LOC128462377: variants seen among roughly 807,000 people sequenced by gnomAD.
At chr16:89,365,771 T>C in the LOC128462377 span, among the ~76,000 whole-genome samples, 2 of 152,136 alleles carry the variant, frequency 1.3e-5, no homozygotes, top group Admixed American at 1.3e-4. Context: ...GGTAAACTTG[T>C]GTCATCAGGG....
chr16:89,350,546 A>C, the LOC128462377 span, among the ~76,000 whole-genome samples: 6 of 152,232 alleles, frequency 3.9e-5, no homozygotes, highest in African/African-American at 1.4e-4. Context: ...ACCAGACACA[A>C]GAGTCCACAC....
chr16:89,327,197 T>C, the LOC128462377 span, among the ~76,000 whole-genome samples: 1 of 152,158 alleles, frequency 6.6e-6, no homozygotes, highest in African/African-American at 2.4e-5. Flanking sequence ...TCACCCAGCA[T>C]GCCAACAAGC....
chr16:89,318,868 T>A, the LOC128462377 span, among the ~76,000 whole-genome samples: 1 of 152,328 alleles, frequency 6.6e-6, no homozygotes, highest in Middle Eastern at 3.4e-3. Context: ...GGTGTTTCCA[T>A]CCACCATCCC....
the LOC128462377 span, among the ~76,000 whole-genome samples, chr16:89,402,469 C>T: frequency 6.6e-6 from 1 of 151,950 alleles, no homozygotes; most frequent in East Asian, 1.9e-4. Context: ...CGGTTGACTC[C>T]AAGAGTTCAA....
chr16:89,380,848 C>A, the LOC128462377 span, among the ~76,000 whole-genome samples: 49 of 152,112 alleles, frequency 3.2e-4, no homozygotes, highest in African/African-American at 1.2e-3. Context: ...AGTTCCGGCC[C>A]CAAAGGTGAC....
chr16:89,408,928 C>T, the LOC128462377 span, among the ~76,000 whole-genome samples: 2 of 152,184 alleles, frequency 1.3e-5, no homozygotes, highest in East Asian at 1.9e-4. Flanking sequence ...CTGGGAAATA[C>T]AAGTGAACAG....
the LOC128462377 span, among the ~76,000 whole-genome samples, chr16:89,321,452 G>A: frequency 2.9e-5 from 4 of 137,792 alleles, no homozygotes; most frequent in African/African-American, 6.8e-5. Context: ...GTGTGGGGCG[G>A]GAGCTGCGGG....
chr16:89,337,426 A>ATTTTT, the LOC128462377 span, among the ~76,000 whole-genome samples: 7 of 43,766 alleles, frequency 1.6e-4, no homozygotes, highest in Non-Finnish European at 2.8e-4. Flanking sequence ...GGTCTAAGCA[A>ATTTTT]TTCTTTTTTT....
At chr16:89,414,190 T>C in the LOC128462377 span, among the ~76,000 whole-genome samples, 4 of 152,220 alleles carry the variant, frequency 2.6e-5, no homozygotes, top group Admixed American at 6.5e-5. Flanking sequence ...TAAATGGAGA[T>C]GTCAATTAAA....
At chr16:89,365,603 G>C in the LOC128462377 span, among the ~76,000 whole-genome samples, 4 of 152,208 alleles carry the variant, frequency 2.6e-5, no homozygotes, top group African/African-American at 7.2e-5. Flanking sequence ...AATTGAAAAA[G>C]AGGTATGTTC....
chr16:89,346,018 G>C, the LOC128462377 span, among the ~76,000 whole-genome samples: 1,712 of 152,092 alleles, frequency 0.011, 9 homozygotes, highest in Middle Eastern at 0.027. Context: ...AAAGCAGGCG[G>C]ATCACTTGAG....
the LOC128462377 span, among the ~76,000 whole-genome samples, chr16:89,371,343 C>T: frequency 1.3e-5 from 2 of 152,226 alleles, no homozygotes; most frequent in African/African-American, 2.4e-5. Flanking sequence ...AGACAAGCAC[C>T]GCCAGTGTCC....
chr16:89,327,414 G>T, the LOC128462377 span, among the ~76,000 whole-genome samples: 1 of 152,114 alleles, frequency 6.6e-6, no homozygotes, highest in Non-Finnish European at 1.5e-5. Context: ...CAGAAAGGAA[G>T]AAATGGAATA....
chr16:89,328,413 C>A, the LOC128462377 span, among the ~76,000 whole-genome samples: 1 of 152,236 alleles, frequency 6.6e-6, no homozygotes, highest in Admixed American at 6.5e-5. Flanking sequence ...AGAACTTTCA[C>A]TGATAATAGA....
the LOC128462377 span, among the ~76,000 whole-genome samples, chr16:89,391,533 T>C: frequency 2.0e-5 from 3 of 152,232 alleles, no homozygotes; most frequent in Admixed American, 6.5e-5. Flanking sequence ...TTTTCTGTGT[T>C]GACTGTCGCT....
the LOC128462377 span, among the ~76,000 whole-genome samples, chr16:89,359,060 C>T: frequency 6.6e-6 from 1 of 152,110 alleles, no homozygotes; most frequent in African/African-American, 2.4e-5. Context: ...GTATTAAACA[C>T]TGACAGAGCA....
At chr16:89,396,947 A>G in the LOC128462377 span, among the ~76,000 whole-genome samples, 2 of 109,736 alleles carry the variant, frequency 1.8e-5, no homozygotes, top group South Asian at 5.9e-4. Context: ...TCGGTTTCCC[A>G]GAGCACTGGT....
chr16:89,413,364 G>A, the LOC128462377 span, among the ~76,000 whole-genome samples: 3 of 152,236 alleles, frequency 2.0e-5, no homozygotes, highest in South Asian at 2.1e-4. Context: ...AGTGGCTCAC[G>A]CCTGTAATCC....
the LOC128462377 span, among the ~76,000 whole-genome samples, chr16:89,399,735 G>A: frequency 2.6e-5 from 4 of 152,182 alleles, no homozygotes; most frequent in East Asian, 7.7e-4. Flanking sequence ...TGAGCCCAGG[G>A]GTGCGGGGGA....
Sources: allele counts gnomAD v4.1 joint callset (sites outside exome capture counted in the v4.1 genomes callset), GRCh38; gene constraint gnomAD v4.1.1; transcripts MANE v1.5.